The following DMD variants were observed in gnomAD, a reference collection of about 807,000 sequenced individuals.
The protein encoded by DMD is mutant dystrophin.
DMD carries 63 observed loss-of-function variants against 330.1 expected under a neutral mutation model. The ratio of observed to expected loss-of-function variants is 0.19; its 90% CI spans 0.16 to 0.24. The LOEUF (loss-of-function observed/expected upper bound fraction) is 0.24. DMD is among the 10% of genes least tolerant of loss of function. The pLI is 1.00. For synonymous variants in DMD, 1,223 were observed against 959.8 expected, an observed-to-expected ratio of 1.27 and a Z score of -5.07; for missense variants, 3,344 against 2,684.1, an observed-to-expected ratio of 1.25 and a Z score of -5.43.
intron 52 of DMD, among the ~76,000 whole-genome samples, chrX:31,683,942 C>A (rs1174650740): frequency 1.8e-5 from 2 of 111,948 alleles, no homozygotes; most frequent in African/African-American, 6.5e-5. Flanking sequence ...TGTTTACGTT[C>A]TTTTTCTATT....
chrX:31,987,435 T>C (rs1170410388), intron 44 of DMD, among the ~76,000 whole-genome samples: 1 of 111,654 alleles, frequency 9.0e-6, no homozygotes, highest in Non-Finnish European at 1.9e-5. Context: ...GACAATCCTC[T>C]CCCCATTCTC....
chrX:31,375,760 T>C (rs2059853437), intron 60 of DMD, among the ~76,000 whole-genome samples: 2 of 111,733 alleles, frequency 1.8e-5, no homozygotes, highest in South Asian at 7.5e-4. Flanking sequence ...ATTTGCAAGG[T>C]GAAAAAGTTC....
At chrX:32,148,134 C>A (rs1388156799) in intron 44 of DMD, among the ~76,000 whole-genome samples, 9 of 110,691 alleles carry the variant, frequency 8.1e-5, no homozygotes, top group African/African-American at 2.9e-4. Flanking sequence ...GCCTCGGCCT[C>A]CCAAAGTGCT....
intron 54 of DMD, among the ~76,000 whole-genome samples, chrX:31,631,933 C>T (rs145071029): frequency 9.0e-5 from 10 of 111,231 alleles, no homozygotes; most frequent in East Asian, 5.7e-4. Context: ...ACTGAAGGGG[C>T]GGAGTGTTGG....
At chrX:31,975,699 C>T (rs550282843) in intron 44 of DMD, among the ~76,000 whole-genome samples, 4 of 111,935 alleles carry the variant, frequency 3.6e-5, no homozygotes, top group South Asian at 7.3e-4. Flanking sequence ...ACGTGATATT[C>T]GAAAGGAAGC....
intron 52 of DMD, among the ~76,000 whole-genome samples, chrX:31,688,290 A>G (rs890051425): frequency 9.0e-6 from 1 of 111,258 alleles, no homozygotes; most frequent in African/African-American, 3.3e-5. Flanking sequence ...AGGGGATATC[A>G]CCACCGACAC....
intron 7 of DMD, among the ~76,000 whole-genome samples, chrX:32,777,276 T>TGGGGGGGGGGGGGG: frequency 1.0e-2 from 5 of 502 alleles, no homozygotes; most frequent in Non-Finnish European, 0.013. Context: ...TGGTTTCTGG[T>TGGGGGGGGGGGGGG]TGGGGGGGGA....
chrX:32,386,687 ATTC>A (rs1346729749), intron 32 of DMD, among the ~76,000 whole-genome samples: 1 of 105,587 alleles, frequency 9.5e-6, no homozygotes, highest in African/African-American at 3.4e-5. Context: ...ATTTGCAGCT[ATTC>A]TTATTAAACA....
rs1603225380 is a variant in DMD at position 31,478,933 on chromosome X, C to T, written c.8668+50G>A. The T allele has an allele frequency of 1.0e-5, 12 of 1,193,477 alleles. No homozygotes were observed. In the East Asian group the frequency reaches 3.3e-4, roughly 33 times the overall value. The stretch of plus-strand genomic sequence containing the variant: ...AGCAAGAATGGATGGGCTGCTCCGT[C>T]ACCACTGATCCTTCTATCAATATGT... On this transcript the variant is annotated intron_variant, in intron 58 of 78. Coordinates refer to ENST00000357033, the MANE Select transcript of DMD (RefSeq NM_004006.3).
At chrX:32,504,772 G>A (rs1434960417) in intron 18 of DMD, among the ~76,000 whole-genome samples, 3 of 111,480 alleles carry the variant, frequency 2.7e-5, no homozygotes, top group African/African-American at 9.8e-5. Context: ...GGGAGGGAGT[G>A]AGGGGAAAAG....
chrX:32,657,802 T>A (rs1268956950), intron 9 of DMD, among the ~76,000 whole-genome samples: 2 of 111,774 alleles, frequency 1.8e-5, no homozygotes, highest in East Asian at 2.8e-4. Context: ...TTTTCCTTAA[T>A]CCTAAGTTTA....
intron 7 of DMD, among the ~76,000 whole-genome samples, chrX:32,720,856 T>A (rs1401502123): frequency 8.9e-6 from 1 of 111,749 alleles, no homozygotes; most frequent in Non-Finnish European, 1.9e-5. Context: ...CAAGTTTCCA[T>A]GTACACATTG....
intron 1 of DMD, among the ~76,000 whole-genome samples, chrX:33,115,581 G>T (rs976969851): frequency 6.5e-5 from 7 of 107,152 alleles, no homozygotes; most frequent in Non-Finnish European, 1.3e-4. Context: ...GCGTGGTCTC[G>T]GCTCACTGCA....
chrX:32,722,697 T>G, intron 7 of DMD, among the ~76,000 whole-genome samples: 1 of 111,542 alleles, frequency 9.0e-6, no homozygotes, highest in Non-Finnish European at 1.9e-5. Context: ...TTAAATATTT[T>G]ATTCTATGTT....
At chrX:32,505,220 G>C (rs2044499663) in intron 18 of DMD, among the ~76,000 whole-genome samples, 1 of 111,607 alleles carries the variant, frequency 9.0e-6, no homozygotes, top group Non-Finnish European at 1.9e-5. Context: ...GCTGCCAAAA[G>C]AACGAAAAGA....
intron 55 of DMD, among the ~76,000 whole-genome samples, chrX:31,587,558 T>C (rs905671663): frequency 8.9e-6 from 1 of 112,394 alleles, no homozygotes; most frequent in African/African-American, 3.2e-5. Flanking sequence ...AAGCAGTTCA[T>C]GCATGCTGGC....
At chrX:33,238,202 A>G (rs1449904155) in intron 1 of DMD, among the ~76,000 whole-genome samples, 2 of 112,126 alleles carry the variant, frequency 1.8e-5, no homozygotes, top group Non-Finnish European at 3.8e-5. Context: ...GGTACTCTTG[A>G]ATTCATTTTG....
chrX:32,673,362 T>A (rs890127010), intron 9 of DMD, among the ~76,000 whole-genome samples: 40 of 111,313 alleles, frequency 3.6e-4, no homozygotes, highest in African/African-American at 1.3e-3. Context: ...GAAACAAAAA[T>A]GTTGCCACCT....
chrX:32,528,288 A>G (rs1286853984), intron 17 of DMD, among the ~76,000 whole-genome samples: 2 of 110,794 alleles, frequency 1.8e-5, no homozygotes, highest in Non-Finnish European at 3.8e-5. Context: ...CAGCCTGGGC[A>G]ACAGAACGAG....
Sources: allele counts gnomAD v4.1 joint callset (sites outside exome capture counted in the v4.1 genomes callset), GRCh38; gene constraint gnomAD v4.1.1; transcripts MANE v1.5; gene names NCBI Gene and HGNC (gene_info 2026-07-23, HGNC 2026-07-21).